The following ZSCAN5A variants were observed in gnomAD, a reference collection of about 807,000 sequenced individuals.
ZSCAN5A encodes the protein zinc finger and SCAN domain containing 5A.
Under a neutral mutation model 23.7 loss-of-function variants are expected in ZSCAN5A, and 12 were observed. The ratio of observed to expected loss-of-function variants is 0.51; its 90% CI spans 0.32 to 0.82. The LOEUF (loss-of-function observed/expected upper bound fraction) is 0.82, where lower values mean the gene tolerates loss of function less well. Among genes scored for constraint, ZSCAN5A ranks in the 40% least tolerant of loss-of-function variants. The probability of loss-of-function intolerance (pLI) is 0.03; values close to 1 mark genes in which losing one functional copy is unlikely to be tolerated. For synonymous variants in ZSCAN5A, 257 were observed against 239.9 expected (o/e 1.07, Z -0.66); for missense variants, 597 against 617.9 (o/e 0.97, Z 0.36).
In ZSCAN5A at chr19:56,339,731, T is replaced by C. The variant is rs71333214; in HGVS notation, c.-357-23463A>G. On this transcript the variant is annotated intron_variant, in intron 2 of 6. Coordinates refer to the ZSCAN5A transcript ENST00000587340. ...GGCTGTAGCCGCATTTAGCAATATG[T>C]GAAGGAGCGGCTGTAGCCGCATTTA... Among the ~76,000 whole-genome samples the C allele has an allele frequency of 8.3e-4, 63 of 75,454 alleles. 8 individuals are homozygous for C. Among genetic ancestry groups the C allele is most frequent in the African/African-American group, 4.0e-3 (58 of 14,326 alleles). The allele number at this position is 75,454 out of a possible 152,430, so 49.5% of individuals were successfully genotyped here.
chr19:56,304,901 C>A, intron 2 of ZSCAN5A: 1 of 585,014 alleles, frequency 1.7e-6, no homozygotes, highest in Non-Finnish European at 2.2e-6. Context: ...TCCCAACTGC[C>A]TGGCATTTGA....
rs1406552698 is a variant in ZSCAN5A at position 56,225,613 on chromosome 19, T to C, written c.-127-440A>G. Among the ~76,000 whole-genome samples, 4 of 152,334 alleles carry C rather than the reference T, an allele frequency of 2.6e-5. No individual in the cohort carries two copies. The East Asian group carries it at 7.7e-4, about 29-fold the overall frequency. On this transcript the variant is annotated intron_variant, in intron 2 of 5. Coordinates refer to ENST00000683990, the MANE Select transcript of ZSCAN5A (RefSeq NM_001322064.3). ...ACATATTCTTGTTAACTCCAGAACA[T>C]TTACTTGCTCCAGGGAAGGGACAGC...
chr19:56,225,281 G>T, intron 2 of ZSCAN5A, 108 bp from the exon 3 acceptor site: 1 of 1,094,484 alleles, frequency 9.1e-7, no homozygotes, highest in Non-Finnish European at 1.2e-6. Flanking sequence ...ATCGAATTCA[G>T]CACAGTGGAA....
chr19:56,334,884 T>A (rs1374488769), intron 2 of ZSCAN5A, among the ~76,000 whole-genome samples: 1 of 151,914 alleles, frequency 6.6e-6, no homozygotes, highest in Non-Finnish European at 1.5e-5. Flanking sequence ...AAAGTCAGAG[T>A]GCCCTCTTTT....
intron 2 of ZSCAN5A, chr19:56,322,077 T>A: frequency 1.3e-6 from 1 of 767,870 alleles, no homozygotes; most frequent in South Asian, 1.4e-5. Flanking sequence ...TTCCTCTTTC[T>A]TCTCCTCCCA....
chr19:56,291,683 A>T (rs570792437), intron 2 of ZSCAN5A, among the ~76,000 whole-genome samples: 2 of 151,882 alleles, frequency 1.3e-5, no homozygotes, highest in East Asian at 3.9e-4. Context: ...TCCTGTTCTC[A>T]TCTCTGCCAA....
At chr19:56,257,395 A>G (rs1433720054) in intron 2 of ZSCAN5A, among the ~76,000 whole-genome samples, 1 of 152,182 alleles carries the variant, frequency 6.6e-6, no homozygotes, top group Non-Finnish European at 1.5e-5. Context: ...GATACAGAAC[A>G]CTTGTCCCTG....
chr19:56,265,927 C>A (rs947536615), intron 2 of ZSCAN5A, among the ~76,000 whole-genome samples: 9 of 152,116 alleles, frequency 5.9e-5, no homozygotes, highest in South Asian at 2.1e-4. Context: ...TGGGCACGTG[C>A]ATTAACTATC....
intron 2 of ZSCAN5A, among the ~76,000 whole-genome samples, chr19:56,227,538 T>A (rs2034068213): frequency 6.6e-6 from 1 of 152,164 alleles, no homozygotes; most frequent in Non-Finnish European, 1.5e-5. Context: ...TAGAAATCAC[T>A]TTGTATTTGA....
At chr19:56,241,660 A>G (rs1445290558) in intron 2 of ZSCAN5A, among the ~76,000 whole-genome samples, 1 of 152,162 alleles carries the variant, frequency 6.6e-6, no homozygotes, top group Non-Finnish European at 1.5e-5. Context: ...TGAAGTCACC[A>G]TGTTGGACAA....
At chr19:56,322,428 G>A (rs1055162738) in intron 2 of ZSCAN5A, 12 of 592,502 alleles carry the variant, frequency 2.0e-5, no homozygotes, top group African/African-American at 3.7e-5. Context: ...GGGCGACCCC[G>A]CAACCCCACC....
At chr19:56,223,352 G>A (rs1199669204) in intron 4 of ZSCAN5A, among the ~76,000 whole-genome samples, 2 of 151,974 alleles carry the variant, frequency 1.3e-5, no homozygotes, top group Non-Finnish European at 2.9e-5. Context: ...TACGGGGAAG[G>A]AATCTTCATT....
chr19:56,230,023 CAAAG>C (rs940030538), intron 2 of ZSCAN5A, among the ~76,000 whole-genome samples: 28 of 152,108 alleles, frequency 1.8e-4, no homozygotes, highest in Non-Finnish European at 3.5e-4. Flanking sequence ...ATGTTGTTTG[CAAAG>C]AGAGACAATT....
intron 2 of ZSCAN5A, among the ~76,000 whole-genome samples, chr19:56,303,500 G>T (rs937192248): frequency 1.4e-5 from 2 of 140,800 alleles, no homozygotes; most frequent in African/African-American, 5.1e-5. Flanking sequence ...AAAAAAGAAG[G>T]AAAGGAAGGA....
chr19:56,225,228 T>C (rs1169078919), intron 2 of ZSCAN5A, 55 bp from the exon 3 acceptor site: 1 of 1,393,782 alleles, frequency 7.2e-7, no homozygotes, highest in African/African-American at 1.4e-5. Flanking sequence ...CATCCATCCC[T>C]CCCTTCGAAA....
chr19:56,260,195 G>GT lies in ZSCAN5A; in HGVS notation c.-127-35023dup, dbSNP rs201862067. On this transcript the variant is annotated intron_variant, in intron 2 of 5. Transcript: ENST00000683990. ...TGGGAAATATATAGATTTTGTTTTA[G>GT]TAATTAAATATTTTTTTACTTTTTT... is the stretch of plus-strand genomic sequence containing the variant. Among the ~76,000 whole-genome samples, 1,145 of 147,904 alleles carry GT rather than the reference G, an allele frequency of 7.7e-3. 7 individuals carry two copies. The highest frequency in any genetic ancestry group is 0.013 in the Non-Finnish European group (883 of 66,960).
At chr19:56,359,176 C>A (rs1385939490) in intron 2 of ZSCAN5A, among the ~76,000 whole-genome samples, 1 of 151,716 alleles carries the variant, frequency 6.6e-6, no homozygotes, top group African/African-American at 2.4e-5. Flanking sequence ...AATAGATAGA[C>A]CATTAGCTAG....
At chr19:56,277,394 A>C (rs180684256) in intron 2 of ZSCAN5A, among the ~76,000 whole-genome samples, 62 of 152,340 alleles carry the variant, frequency 4.1e-4, no homozygotes, top group African/African-American at 1.4e-3. Context: ...ATCGTGTGTG[A>C]GCCTTGAAAA....
intron 2 of ZSCAN5A, among the ~76,000 whole-genome samples, chr19:56,263,901 C>T (rs1037878032): frequency 2.0e-5 from 3 of 151,924 alleles, no homozygotes; most frequent in Non-Finnish European, 2.9e-5. Flanking sequence ...TGTTTTACAA[C>T]CTTCACCTCA....
Sources: gnomAD v4.1 joint callset for allele counts (sites outside exome capture counted in the v4.1 genomes callset) on GRCh38, gnomAD v4.1.1 for gene constraint, MANE v1.5 for transcripts, NCBI Gene and HGNC (gene_info 2026-07-23, HGNC 2026-07-21) for gene names.